IFT46: variants seen among roughly 807,000 people sequenced by gnomAD.
The protein encoded by IFT46 is intraflagellar transport protein 46 homolog.
A neutral mutation model predicts 39.6 loss-of-function variants in IFT46; 19 were observed. The ratio of observed to expected loss-of-function variants is 0.48; its 90% CI spans 0.33 to 0.70. IFT46 has a LOEUF of 0.70. Among genes scored for constraint, IFT46 ranks in the 30% least tolerant of loss-of-function variants. The pLI, the probability that IFT46 is intolerant of heterozygous loss-of-function variation, is 0.01. For synonymous variants in IFT46, 117 were observed against 134.8 expected, an observed-to-expected ratio of 0.87 and a Z score of 0.91; for missense variants, 334 against 364.8, an observed-to-expected ratio of 0.92 and a Z score of 0.69.
In IFT46 at chr11:118,556,888, T is replaced by G. The variant is rs1555069590; in HGVS notation, c.185+18A>C. 1.3e-6 allele frequency: 2 copies of G among 1,563,042 alleles called. No individual in the cohort carries two copies. Among genetic ancestry groups the G allele is most frequent in the Non-Finnish European group, 1.7e-6 (2 of 1,153,916 alleles). The stretch of plus-strand genomic sequence containing the variant: ...GGTATTCTGAAGAGCACCCTTGGCT[T>G]GGGTGTTCTTTCCTCACCCTTCCAG... On this transcript the variant is annotated intron_variant, in intron 4 of 11. Transcript: ENST00000264021.
intron 7 of IFT46, among the ~76,000 whole-genome samples, chr11:118,553,732 G>C (rs1433762017): frequency 3.3e-5 from 5 of 152,128 alleles, no homozygotes; most frequent in African/African-American, 1.2e-4. Context: ...TTATTAATAA[G>C]AGTGGACAGA....
At chr11:118,575,344 T>A (rs1938467993), upstream of IFT46, among the ~76,000 whole-genome samples, 1 of 152,144 alleles carries the variant, frequency 6.6e-6, no homozygotes, top group Non-Finnish European at 1.5e-5. Context: ...ATGATTCTCT[T>A]GAGTTTCCAT....
intron 2 of IFT46, chr11:118,561,321 CAGA>C: frequency 1.9e-6 from 2 of 1,040,476 alleles, no homozygotes; most frequent in Non-Finnish European, 3.0e-6. Context: ...CACTACTTAA[CAGA>C]AGAAGATGAA....
chr11:118,551,709 G>A (rs1937645648), intron 9 of IFT46, 77 bp downstream of exon 9: 2 of 955,274 alleles, frequency 2.1e-6, no homozygotes, highest in Non-Finnish European at 3.3e-6. Context: ...TAATAATAAT[G>A]GAGGAAGAGA....
intron 7 of IFT46, among the ~76,000 whole-genome samples, chr11:118,552,757 C>A (rs1296656704): frequency 6.6e-6 from 1 of 151,256 alleles, no homozygotes; most frequent in Non-Finnish European, 1.5e-5. Flanking sequence ...TGTGCCACTG[C>A]ACTCCAGCCT....
Position 118,555,316 on chromosome 11 carries a change from A to G in IFT46, c.192T>C (p.Tyr64=), listed in dbSNP as rs1336818056. 3.1e-6 allele frequency: 5 copies of G among 1,613,716 alleles called. No individual in the cohort carries two copies. The highest frequency in any genetic ancestry group is 4.2e-6 in the Non-Finnish European group (5 of 1,179,766). Reference sequence around the variant, plus strand: ...GCAAATGCTCATAGTCTGCAGGGTCATAGGCCCTGGGAAAAGGAAAACAGT... The same window carrying G: ...GCAAATGCTCATAGTCTGCAGGGTCGTAGGCCCTGGGAAAAGGAAAACAGT... The part of the protein sequence containing the change: ...EEHGAPLEGA[Y]DPADYEHLPV... The change falls in exon 5 of 12, where the codon TAT becomes TAC. Residue 64 remains tyrosine (Y), a synonymous_variant. Transcript: ENST00000264021.
upstream of IFT46, among the ~76,000 whole-genome samples, chr11:118,566,596 G>A (rs1375007906): frequency 6.6e-6 from 1 of 152,256 alleles, no homozygotes; most frequent in Admixed American, 6.5e-5. Flanking sequence ...GAGAGGCTGA[G>A]GCAGGAGAAT....
chr11:118,546,303 G>A, intron 9 of IFT46: 1 of 617,254 alleles, frequency 1.6e-6, no homozygotes, highest in Non-Finnish European at 3.0e-6. Context: ...TTCGAGACCA[G>A]CCTGGGCAAC....
At chr11:118,567,506 G>A (rs1555071706), upstream of IFT46, among the ~76,000 whole-genome samples, 7 of 152,022 alleles carry the variant, frequency 4.6e-5, no homozygotes. Context: ...AACCCGGGAG[G>A]TGGAGGTTGT....
At chr11:118,557,666 T>A in intron 3 of IFT46, 1 of 1,562,022 alleles carries the variant, frequency 6.4e-7, no homozygotes, top group Non-Finnish European at 8.8e-7. Flanking sequence ...CCTTACCCCA[T>A]AAATTACATA....
intron 1 of IFT46, chr11:118,572,411 C>A: frequency 1.7e-6 from 1 of 580,074 alleles, no homozygotes; most frequent in Non-Finnish European, 2.4e-6. Flanking sequence ...GGGCCGCCAT[C>A]TTGGCAAGAG....
chr11:118,545,857 G>A lies in IFT46; in HGVS notation c.673-4C>T. 6.2e-7 allele frequency: 1 copy of A among 1,614,088 alleles called. No individual in the cohort carries two copies. Among genetic ancestry groups the A allele is most frequent in the Non-Finnish European group, 8.5e-7 (1 of 1,179,952 alleles). Reference sequence around the variant, plus strand: ...TCTCTGCCGTGGGCAGGCTTACCTGGAAGGGGCATGGAAGGACCAAAGTCA... The same window carrying A: ...TCTCTGCCGTGGGCAGGCTTACCTGAAAGGGGCATGGAAGGACCAAAGTCA... On this transcript the variant is annotated splice_region_variant and splice_polypyrimidine_tract_variant and intron_variant, in intron 9 of 11. Transcript: ENST00000264021.
chr11:118,561,126 A>G (rs761716857), intron 2 of IFT46: 1 of 1,480,142 alleles, frequency 6.8e-7, no homozygotes, highest in Non-Finnish European at 9.3e-7. Context: ...TGCTATTTGG[A>G]TACAGGTCTT....
At chr11:118,560,464 G>GGGGAC (rs1938012358) in intron 2 of IFT46, 1 of 158,810 alleles carries the variant, frequency 6.3e-6, no homozygotes, top group Non-Finnish European at 1.3e-5. Context: ...GGGGAGGGGA[G>GGGGAC]GGGAGGGGAG....
At chr11:118,557,794 G>C in intron 3 of IFT46, 1 of 1,614,140 alleles carries the variant, frequency 6.2e-7, no homozygotes, top group Non-Finnish European at 8.5e-7. Context: ...ACATGAGAAG[G>C]GGTCTGGTGG....
At chr11:118,568,596 T>C (rs1392909388), upstream of IFT46, among the ~76,000 whole-genome samples, 1 of 151,862 alleles carries the variant, frequency 6.6e-6, no homozygotes, top group East Asian at 1.9e-4. Context: ...AGTTACCCCA[T>C]AAATGTGTAC....
chr11:118,564,000 G>A (rs955749028), intron 2 of IFT46, among the ~76,000 whole-genome samples: 3 of 150,586 alleles, frequency 2.0e-5, no homozygotes, highest in South Asian at 2.1e-4. Context: ...TCAGGAGTTC[G>A]AGACCAGCCT....
upstream of IFT46, among the ~76,000 whole-genome samples, chr11:118,569,253 C>T (rs1294750441): frequency 2.0e-5 from 3 of 150,382 alleles, no homozygotes; most frequent in South Asian, 2.1e-4. Context: ...CACTCCAGCC[C>T]GGGCAACAAA....
At chr11:118,568,812 C>G (rs187162878), upstream of IFT46, among the ~76,000 whole-genome samples, 3 of 151,562 alleles carry the variant, frequency 2.0e-5, no homozygotes, top group Admixed American at 2.0e-4. Context: ...TGGGCCACCA[C>G]GCCCAGCTAA....
Sources: allele counts gnomAD v4.1 joint callset (sites outside exome capture counted in the v4.1 genomes callset), GRCh38; gene constraint gnomAD v4.1.1; transcripts MANE v1.5; gene names NCBI Gene and HGNC (gene_info 2026-07-23, HGNC 2026-07-21).